The following ADGRV1 variants were observed in gnomAD, a reference collection of about 807,000 sequenced individuals.
ADGRV1 encodes the protein adhesion G protein-coupled receptor V1, also known as G-protein coupled receptor 98.
A neutral mutation model predicts 596.2 loss-of-function variants in ADGRV1; 359 were observed. The ratio of observed to expected loss-of-function variants is 0.60; its 90% CI spans 0.55 to 0.66. The LOEUF (loss-of-function observed/expected upper bound fraction) is 0.66. Ranked by LOEUF, ADGRV1 falls within the 30% of genes least tolerant of loss-of-function variation. The pLI, the probability that ADGRV1 is intolerant of heterozygous loss-of-function variation, is 0.00. For synonymous variants in ADGRV1, 2,681 were observed against 2,679.2 expected (o/e 1.00, Z -0.02); for missense variants, 7,274 against 7,575.6 (o/e 0.96, Z 1.48).
At chr5:90,617,988 G>A in intron 3 of ADGRV1, 35 bp downstream of exon 3, 1 of 1,480,098 alleles carries the variant, frequency 6.8e-7, no homozygotes, top group Non-Finnish European at 9.1e-7. Flanking sequence ...AAAATTATAA[G>A]GAGGACTTAT....
At chr5:90,928,963 C>T (rs1008206463) in intron 83 of ADGRV1, among the ~76,000 whole-genome samples, 81 of 148,056 alleles carry the variant, frequency 5.5e-4, no homozygotes, top group Non-Finnish European at 4.5e-5. Context: ...GGGTCAGGGA[C>T]CCACTTGAGG....
intron 61 of ADGRV1, 50 bp downstream of exon 61, chr5:90,776,626 A>T (rs1211558397): frequency 3.2e-6 from 5 of 1,563,766 alleles, no homozygotes; most frequent in Non-Finnish European, 4.4e-6. Flanking sequence ...ACGAAGTTTT[A>T]TTTAAATCAT....
intron 83 of ADGRV1, among the ~76,000 whole-genome samples, chr5:90,927,459 C>T (rs1022636222): frequency 9.2e-5 from 14 of 152,136 alleles, no homozygotes; most frequent in Non-Finnish European, 1.6e-4. Flanking sequence ...ATTGCAACCC[C>T]TGCCTTTTTT....
chr5:90,853,756 G>T (rs1207187437), intron 80 of ADGRV1, among the ~76,000 whole-genome samples: 2 of 152,042 alleles, frequency 1.3e-5, no homozygotes. Context: ...TTATATATGT[G>T]GGGAAAGTAA....
intron 86 of ADGRV1, among the ~76,000 whole-genome samples, chr5:91,084,122 C>T (rs1789654398): frequency 6.6e-6 from 1 of 152,104 alleles, no homozygotes; most frequent in African/African-American, 2.4e-5. Flanking sequence ...CGGTTTCTTA[C>T]TCCTACTTGT....
chr5:90,729,786 A>G, intron 50 of ADGRV1, 22 bp downstream of exon 50: 2 of 1,610,338 alleles, frequency 1.2e-6, no homozygotes, highest in South Asian at 2.2e-5. Context: ...TCAACTGCTC[A>G]CCAATTCTAA....
At chr5:90,621,960 G>C (rs566237786) in intron 4 of ADGRV1, among the ~76,000 whole-genome samples, 1 of 152,280 alleles carries the variant, frequency 6.6e-6, no homozygotes, top group African/African-American at 2.4e-5. Flanking sequence ...GCTAACCCCA[G>C]TTATGTATGG....
chr5:90,630,087 TC>T (rs1765304648), intron 9 of ADGRV1: 1 of 152,438 alleles, frequency 6.6e-6, no homozygotes, highest in African/African-American at 2.4e-5. Flanking sequence ...AGCCTCCACG[TC>T]CCAGGTTCAA....
intron 83 of ADGRV1, among the ~76,000 whole-genome samples, chr5:90,918,375 C>A (rs1773573139): frequency 6.6e-6 from 1 of 152,162 alleles, no homozygotes; most frequent in African/African-American, 2.4e-5. Flanking sequence ...GTGGCCAGAT[C>A]TGTTTTATTA....
intron 28 of ADGRV1, among the ~76,000 whole-genome samples, 183 bp downstream of exon 28, chr5:90,684,378 A>G (rs1745336416): frequency 6.6e-6 from 1 of 152,196 alleles, no homozygotes; most frequent in Non-Finnish European, 1.5e-5. Flanking sequence ...CTTAGAAATT[A>G]TGTTTTAAAA....
intron 83 of ADGRV1, among the ~76,000 whole-genome samples, chr5:90,946,717 T>C (rs560182171): frequency 3.7e-4 from 56 of 152,236 alleles, no homozygotes; most frequent in African/African-American, 1.3e-3. Context: ...ATGCGGTGTT[T>C]GGTTTTCTGT....
intron 73 of ADGRV1, 99 bp downstream of exon 73, chr5:90,807,836 G>A: frequency 9.1e-7 from 1 of 1,098,328 alleles, no homozygotes; most frequent in Admixed American, 2.4e-5. Context: ...TCTCCTTGAA[G>A]CAAACACAAA....
chr5:90,755,820 A>G (rs1561665453), intron 55 of ADGRV1, among the ~76,000 whole-genome samples: 1 of 148,536 alleles, frequency 6.7e-6, no homozygotes, highest in Non-Finnish European at 1.5e-5. Context: ...CTTATATATT[A>G]TATACCATAG....
At chr5:91,018,058 A>T (rs761454551) in intron 85 of ADGRV1, among the ~76,000 whole-genome samples, 4 of 151,990 alleles carry the variant, frequency 2.6e-5, no homozygotes, top group Admixed American at 6.6e-5. Context: ...TAACAAGTAC[A>T]TGCTGGATCT....
intron 75 of ADGRV1, among the ~76,000 whole-genome samples, chr5:90,816,257 A>T (rs1762880789): frequency 6.6e-6 from 1 of 152,076 alleles, no homozygotes. Flanking sequence ...CTTTAGAAAA[A>T]TCCTTTTTAA....
Position 91,163,886 on chromosome 5 carries a change from G to A in ADGRV1, c.18907G>A (p.Asp6303Asn), listed in dbSNP as rs775367238. The stretch of plus-strand genomic sequence containing the variant: ...GGAGCTCAGGAGGATACCCATCGCC[G>A]ACACTCACCTGTAGCACCTCACTAA... ...IVELRRIPIA[D>N]THL is the part of the protein sequence containing the mutation. Residue 6303 changes from aspartate (D) to asparagine (N), a missense_variant, in exon 90 of 90, where the codon GAC (aspartate) becomes AAC (asparagine). Around this residue, in one of 5 missense-constraint regions of ADGRV1, gnomAD observed 1,874 missense variants for 1,970.2 expected, o/e 0.95. Coordinates refer to ENST00000405460, the MANE Select transcript of ADGRV1 (RefSeq NM_032119.4). The A allele has an allele frequency of 3.2e-6, 5 of 1,548,358 alleles. No homozygotes were observed. The highest frequency in any genetic ancestry group is 2.3e-5 in the South Asian group (2 of 88,308).
At chr5:90,845,167 A>C (rs1581297501) in intron 78 of ADGRV1, among the ~76,000 whole-genome samples, 1 of 150,118 alleles carries the variant, frequency 6.7e-6, no homozygotes, top group Non-Finnish European at 1.5e-5. Context: ...TGTCAGGAGC[A>C]CCTCCTAGGC....
chr5:90,993,423 C>T (rs1338050371), intron 85 of ADGRV1, among the ~76,000 whole-genome samples: 1 of 152,082 alleles, frequency 6.6e-6, no homozygotes, highest in African/African-American at 2.4e-5. Flanking sequence ...TCCCAAAGTG[C>T]TGGCATTACA....
intron 11 of ADGRV1, among the ~76,000 whole-genome samples, chr5:90,638,764 A>G (rs1442771464): frequency 6.6e-6 from 1 of 152,154 alleles, no homozygotes; most frequent in African/African-American, 2.4e-5. Context: ...TTTGTGTTAC[A>G]TTATTCAGGA....
Sources: gnomAD v4.1 joint callset for allele counts (sites outside exome capture counted in the v4.1 genomes callset) on GRCh38, gnomAD v4.1.1 for gene constraint, gnomAD v4.1.1 regional missense constraint, MANE v1.5 for transcripts, NCBI Gene and HGNC (gene_info 2026-07-23, HGNC 2026-07-21) for gene names.